GLIS3: variants seen among roughly 807,000 people sequenced by gnomAD.
The protein encoded by GLIS3 is zinc finger protein GLIS3.
GLIS3 carries 53 observed loss-of-function variants against 78.6 expected under a neutral mutation model. The observed-to-expected ratio is 0.67, with a 90% CI of 0.54 to 0.85. GLIS3 has a LOEUF of 0.85. GLIS3 is among the 40% of genes least tolerant of loss of function. The pLI is 0.00. For synonymous variants in GLIS3, 684 were observed against 509.9 expected, an observed-to-expected ratio of 1.34 and a Z score of -4.60; for missense variants, 1,703 against 1,231.1, an observed-to-expected ratio of 1.38 and a Z score of -5.74.
chr9:3,969,577 G>T (rs1818222846), intron 4 of GLIS3, among the ~76,000 whole-genome samples: 1 of 152,194 alleles, frequency 6.6e-6, no homozygotes, highest in Non-Finnish European at 1.5e-5. Flanking sequence ...AGTGATTGTT[G>T]TTTATAGTAA....
chr9:4,261,080 A>G (rs763572697), intron 2 of GLIS3, among the ~76,000 whole-genome samples: 14 of 152,258 alleles, frequency 9.2e-5, no homozygotes, highest in Non-Finnish European at 1.8e-4. Flanking sequence ...AGCAGCAAGT[A>G]CAAGCTAATC....
chr9:4,410,598 A>G, the GLIS3 span, among the ~76,000 whole-genome samples: 1 of 152,244 alleles, frequency 6.6e-6, no homozygotes, highest in Non-Finnish European at 1.5e-5. Context: ...TTGATCCAGC[A>G]CAAAGTTATT....
At chr9:4,121,591 A>C (rs1254194900) in intron 3 of GLIS3, among the ~76,000 whole-genome samples, 2 of 151,506 alleles carry the variant, frequency 1.3e-5, no homozygotes, top group African/African-American at 2.4e-5. Flanking sequence ...TACAAAGAAT[A>C]AAACAGGGTT....
At chr9:3,884,260 GAGTGTT>G (rs1319151562) in intron 7 of GLIS3, among the ~76,000 whole-genome samples, 1 of 152,118 alleles carries the variant, frequency 6.6e-6, no homozygotes, top group Non-Finnish European at 1.5e-5. Flanking sequence ...GGGAGGCCAA[GAGTGTT>G]AGTAGCATCC....
intron 4 of GLIS3, among the ~76,000 whole-genome samples, chr9:4,102,732 C>T (rs1586673967): frequency 1.3e-5 from 2 of 152,170 alleles, no homozygotes; most frequent in East Asian, 1.9e-4. Context: ...ATCTCAAGTC[C>T]CTAAGACACA....
intron 4 of GLIS3, among the ~76,000 whole-genome samples, chr9:4,061,129 A>G (rs904278164): frequency 1.3e-5 from 2 of 151,692 alleles, no homozygotes; most frequent in African/African-American, 4.8e-5. Context: ...GGTTTGTTAC[A>G]TATGTATACA....
rs138983281 is a variant in GLIS3, at chr9:4,183,058, C to T, written c.389-57117G>A. Among the ~76,000 whole-genome samples, 668 of 152,332 alleles carry T rather than the reference C, an allele frequency of 4.4e-3. 3 individuals carry two copies. The highest frequency in any genetic ancestry group is 6.8e-3 in the Middle Eastern group (2 of 294). ...CACAGATAGTGGTGAGGCCCACGTGCTGTCTGGAAGTCATTTCCTGTGATG... is the reference window on the plus strand; with the variant it reads ...CACAGATAGTGGTGAGGCCCACGTGTTGTCTGGAAGTCATTTCCTGTGATG... On this transcript the variant is annotated intron_variant, in intron 2 of 10. Coordinates refer to ENST00000381971, the MANE Select transcript of GLIS3 (RefSeq NM_001042413.2).
At chr9:4,247,286 A>G (rs1228954251) in intron 2 of GLIS3, among the ~76,000 whole-genome samples, 1 of 152,214 alleles carries the variant, frequency 6.6e-6, no homozygotes, top group Non-Finnish European at 1.5e-5. Flanking sequence ...AGCTGAAAGT[A>G]CGGTTGTTTT....
chr9:4,458,722 C>T, the GLIS3 span, among the ~76,000 whole-genome samples: 8 of 152,134 alleles, frequency 5.3e-5, no homozygotes, highest in East Asian at 1.9e-4. Context: ...TGCTTGAACC[C>T]GGGAGGCAGA....
At chr9:4,462,928 C>A in the GLIS3 span, among the ~76,000 whole-genome samples, 1 of 152,226 alleles carries the variant, frequency 6.6e-6, no homozygotes, top group South Asian at 2.1e-4. Context: ...GATGGGAAAC[C>A]CAATATAGGA....
At chr9:4,222,009 G>C (rs955163716) in intron 2 of GLIS3, among the ~76,000 whole-genome samples, 1 of 152,212 alleles carries the variant, frequency 6.6e-6, no homozygotes, top group African/African-American at 2.4e-5. Flanking sequence ...GAAAGGGAAG[G>C]AGAAGCTACT....
At chr9:4,293,941 C>A (rs1462219866) in intron 1 of GLIS3, among the ~76,000 whole-genome samples, 1 of 152,226 alleles carries the variant, frequency 6.6e-6, no homozygotes, top group African/African-American at 2.4e-5. Context: ...CTGAGAACCT[C>A]ATAATTCAAG....
chr9:4,264,599 C>G (rs928896458), intron 2 of GLIS3, among the ~76,000 whole-genome samples: 1 of 151,108 alleles, frequency 6.6e-6, no homozygotes, highest in Non-Finnish European at 1.5e-5. Context: ...CTTTTTTTCT[C>G]TTCTGGGAAC....
At chr9:3,869,285 G>A (rs868167702) in intron 8 of GLIS3, among the ~76,000 whole-genome samples, 1 of 99,846 alleles carries the variant, frequency 1.0e-5, no homozygotes, top group South Asian at 3.4e-4. Context: ...GTGTGTGTGT[G>A]TGTGTGTGTA....
chr9:4,136,999 T>A (rs1833453401), intron 2 of GLIS3, among the ~76,000 whole-genome samples: 2 of 152,190 alleles, frequency 1.3e-5, no homozygotes, highest in South Asian at 4.1e-4. Flanking sequence ...GCGCATCCCA[T>A]TAGGAGCAGA....
At chr9:4,468,933 T>C in the GLIS3 span, among the ~76,000 whole-genome samples, 1 of 152,074 alleles carries the variant, frequency 6.6e-6, no homozygotes, top group African/African-American at 2.4e-5. Context: ...AATAAAGGGA[T>C]GGAGGAAGAT....
At chr9:4,478,021 G>C in the GLIS3 span, among the ~76,000 whole-genome samples, 1 of 152,134 alleles carries the variant, frequency 6.6e-6, no homozygotes, top group Non-Finnish European at 1.5e-5. Flanking sequence ...CAAGACTGTA[G>C]CTCCTGAATA....
At chr9:4,479,904 C>CTTTTTTTTTTT in the GLIS3 span, among the ~76,000 whole-genome samples, 87 of 108,732 alleles carry the variant, frequency 8.0e-4, no homozygotes, top group Middle Eastern at 5.7e-3. Context: ...ATTTCTTCTT[C>CTTTTTTTTTTT]TTTTTTTTTT....
chr9:3,912,324 C>T (rs1824209488), intron 6 of GLIS3, among the ~76,000 whole-genome samples: 1 of 152,166 alleles, frequency 6.6e-6, no homozygotes, highest in Non-Finnish European at 1.5e-5. Context: ...GATATGAGCA[C>T]AGTTTTCCAG....
Sources: allele counts gnomAD v4.1 joint callset (sites outside exome capture counted in the v4.1 genomes callset), GRCh38; gene constraint gnomAD v4.1.1; transcripts MANE v1.5; gene names NCBI Gene and HGNC (gene_info 2026-07-23, HGNC 2026-07-21).